The following MELK variants were observed in gnomAD, a reference collection of about 807,000 sequenced individuals.
MELK encodes the protein pEg3 kinase.
A neutral mutation model predicts 85.0 loss-of-function variants in MELK; 81 were observed. The observed-to-expected ratio is 0.95, with a 90% CI of 0.80 to 1.15. The LOEUF (loss-of-function observed/expected upper bound fraction) is 1.15, where lower values mean the gene tolerates loss of function less well. MELK is among the 50% of genes most tolerant of loss of function. The pLI is 0.00. For synonymous variants in MELK, 252 were observed against 265.0 expected (o/e 0.95, Z 0.48); for missense variants, 754 against 777.5 (o/e 0.97, Z 0.36).
At chr9:36,656,952 A>G (rs977579737) in intron 12 of MELK, among the ~76,000 whole-genome samples, 5 of 152,160 alleles carry the variant, frequency 3.3e-5, no homozygotes, top group African/African-American at 1.2e-4. Flanking sequence ...ATACATAAAT[A>G]CTTATTGTTG....
chr9:36,595,013 G>A (rs563679461), intron 5 of MELK, among the ~76,000 whole-genome samples: 48 of 142,310 alleles, frequency 3.4e-4, no homozygotes, highest in African/African-American at 1.0e-3. Context: ...TGCGACCTCC[G>A]CCTCCCGGAT....
intron 13 of MELK, among the ~76,000 whole-genome samples, chr9:36,658,101 T>C (rs897439772): frequency 8.0e-5 from 12 of 150,576 alleles, no homozygotes; most frequent in Non-Finnish European, 1.2e-4. Context: ...TGGCAATTGA[T>C]CTGTTTTTCT....
At chr9:36,646,026 A>G (rs1452504578) in intron 11 of MELK, among the ~76,000 whole-genome samples, 2 of 152,184 alleles carry the variant, frequency 1.3e-5, no homozygotes, top group African/African-American at 2.4e-5. Flanking sequence ...GACTAGAGAC[A>G]TTTTTGGTTG....
At chr9:36,648,595 C>T (rs1372152716) in intron 11 of MELK, among the ~76,000 whole-genome samples, 1 of 152,190 alleles carries the variant, frequency 6.6e-6, no homozygotes, top group African/African-American at 2.4e-5. Flanking sequence ...GAACAGTGCA[C>T]CACCATCTCA....
At chr9:36,614,429 T>TG (rs1564161918) in intron 8 of MELK, among the ~76,000 whole-genome samples, 1 of 137,128 alleles carries the variant, frequency 7.3e-6, no homozygotes, top group Non-Finnish European at 1.5e-5. Flanking sequence ...TTTTGGGTTT[T>TG]TTTTTTTTTT....
intron 1 of MELK, among the ~76,000 whole-genome samples, chr9:36,573,493 C>A (rs1821299089): frequency 6.6e-6 from 1 of 152,130 alleles, no homozygotes; most frequent in African/African-American, 2.4e-5. Flanking sequence ...GAGGCTCACA[C>A]TAAAAGGGGA....
intron 8 of MELK, among the ~76,000 whole-genome samples, chr9:36,620,611 G>A (rs894974519): frequency 1.4e-5 from 2 of 147,534 alleles, no homozygotes; most frequent in African/African-American, 2.5e-5. Context: ...GTGCAGTGGC[G>A]TGATTATTGG....
At chr9:36,596,223 C>A (rs998932863) in intron 5 of MELK, among the ~76,000 whole-genome samples, 3 of 152,168 alleles carry the variant, frequency 2.0e-5, no homozygotes, top group African/African-American at 7.2e-5. Context: ...AGTTGACTCT[C>A]AGAACACCAA....
chr9:36,589,217 C>T (rs533734099), intron 3 of MELK, among the ~76,000 whole-genome samples: 9 of 151,758 alleles, frequency 5.9e-5, no homozygotes, highest in Non-Finnish European at 7.4e-5. Flanking sequence ...GGCGCAATCT[C>T]GGCTCACTCC....
chr9:36,642,585 T>C (rs930772388), intron 10 of MELK, among the ~76,000 whole-genome samples: 29 of 152,062 alleles, frequency 1.9e-4, no homozygotes, highest in Middle Eastern at 6.8e-3. Context: ...CTCGCCACCA[T>C]GCCTGGCTAA....
At chr9:36,621,305 A>C (rs1827415074) in intron 8 of MELK, among the ~76,000 whole-genome samples, 1 of 140,966 alleles carries the variant, frequency 7.1e-6, no homozygotes, top group Non-Finnish European at 1.6e-5. Context: ...AAAAAAAAAA[A>C]AAAAAAAAAA....
At chr9:36,629,012 G>A (rs994373096) in intron 8 of MELK, among the ~76,000 whole-genome samples, 4 of 151,806 alleles carry the variant, frequency 2.6e-5, no homozygotes, top group South Asian at 2.1e-4. Flanking sequence ...GACTACAGGT[G>A]CCCGCCACCA....
chr9:36,607,619 T>C lies in MELK; in HGVS notation c.612T>C (p.Cys204=). 1 of 1,613,130 alleles carries C rather than the reference T, an allele frequency of 6.2e-7. No homozygotes were observed. Among genetic ancestry groups the C allele is most frequent in the Non-Finnish European group, 8.5e-7 (1 of 1,179,120 alleles). Residue 204 remains cysteine, a synonymous_variant, in exon 8 of 18, where the codon TGT becomes TGC. Transcript: ENST00000298048. ...SMGILLYVLM[C]GFLPFDDDNV... ...GCATACTGTTATATGTTCTTATGTGTGGATTTCTACCATTTGATGATGATA... is the reference window on the plus strand; with the variant it reads ...GCATACTGTTATATGTTCTTATGTGCGGATTTCTACCATTTGATGATGATA...
chr9:36,657,461 G>T, intron 13 of MELK, 98 bp downstream of exon 13: 1 of 1,308,872 alleles, frequency 7.6e-7, no homozygotes, highest in East Asian at 2.4e-5. Flanking sequence ...CAAATTTAAT[G>T]AATGCTTAAG....
Position 36,581,635 on chromosome 9 carries a change from G to A in MELK, c.-38-9G>A. ...TTCCTTTATTGATTATGTACTCTCTGTCTTCTAGGTTCTTTTTCTAATTCC... is the reference window on the plus strand; with the variant it reads ...TTCCTTTATTGATTATGTACTCTCTATCTTCTAGGTTCTTTTTCTAATTCC... On this transcript the variant is annotated splice_polypyrimidine_tract_variant and intron_variant, in intron 1 of 17. Coordinates refer to ENST00000298048, the MANE Select transcript of MELK (RefSeq NM_014791.4). 7.6e-7 allele frequency: 1 copy of A among 1,320,242 alleles called. No individual in the cohort carries two copies. 81.8% of individuals were successfully genotyped at this position (1,320,242 alleles called of 1,614,324 possible).
At chr9:36,574,424 A>G (rs926830440) in intron 1 of MELK, among the ~76,000 whole-genome samples, 1 of 143,342 alleles carries the variant, frequency 7.0e-6, no homozygotes, top group Non-Finnish European at 1.5e-5. Context: ...GTCTCTACTA[A>G]AAATACAAAA....
intron 14 of MELK, among the ~76,000 whole-genome samples, chr9:36,668,857 G>T (rs1487304995): frequency 6.6e-6 from 1 of 152,080 alleles, no homozygotes; most frequent in Non-Finnish European, 1.5e-5. Context: ...TTTCACAGGG[G>T]TCTGTTCTTT....
At chr9:36,574,174 T>C (rs1166400522) in intron 1 of MELK, among the ~76,000 whole-genome samples, 1 of 152,132 alleles carries the variant, frequency 6.6e-6, no homozygotes, top group Non-Finnish European at 1.5e-5. Flanking sequence ...GTGTAACTAC[T>C]GTGGACCAAC....
intron 1 of MELK, among the ~76,000 whole-genome samples, chr9:36,574,228 T>G (rs567584679): frequency 1.4e-4 from 21 of 151,966 alleles, no homozygotes; most frequent in Non-Finnish European, 2.8e-4. Flanking sequence ...TTGTTGGTGC[T>G]CCCAGAAGCC....
Sources: allele counts gnomAD v4.1 joint callset (sites outside exome capture counted in the v4.1 genomes callset), GRCh38; gene constraint gnomAD v4.1.1; transcripts MANE v1.5; gene names NCBI Gene and HGNC (gene_info 2026-07-23, HGNC 2026-07-21).